Variants in SLC15A4 observed in about 807,000 individuals in gnomAD.
SLC15A4 encodes the protein hPHT1.
In SLC15A4, 26 loss-of-function variants were observed where a neutral mutation model predicts 46.1. That is an observed-to-expected ratio of 0.56 (90% confidence interval 0.41 to 0.78). The LOEUF (loss-of-function observed/expected upper bound fraction) is 0.78, where lower values mean the gene tolerates loss of function less well. Among genes scored for constraint, SLC15A4 ranks in the 30% least tolerant of loss-of-function variants. SLC15A4 has a pLI of 0.00. For synonymous variants in SLC15A4, 370 were observed against 333.4 expected, an observed-to-expected ratio of 1.11 and a Z score of -1.20; for missense variants, 751 against 755.7, an observed-to-expected ratio of 0.99 and a Z score of 0.07.
intron 7 of SLC15A4, among the ~76,000 whole-genome samples, chr12:128,796,652 T>C (rs955981662): frequency 6.6e-6 from 1 of 152,220 alleles, no homozygotes; most frequent in African/African-American, 2.4e-5. Context: ...TACCAGGCTC[T>C]GTCCTGGGCA....
At chr12:128,808,739 C>T (rs1207816671) in intron 5 of SLC15A4, 49 bp downstream of exon 5, 1 of 1,592,154 alleles carries the variant, frequency 6.3e-7, no homozygotes, top group Non-Finnish European at 8.6e-7. Context: ...TCTGAATCCA[C>T]AACTGCTGCA....
intron 7 of SLC15A4, 45 bp downstream of exon 7, chr12:128,799,214 C>T (rs1162231895): frequency 6.2e-7 from 1 of 1,607,558 alleles, no homozygotes; most frequent in Admixed American, 1.7e-5. Context: ...CCTGCGCCTC[C>T]CCCTCACTGG....
Position 128,809,477 on chromosome 12 carries a change from G to A in SLC15A4, c.1012-4C>T. 3 of 1,593,628 alleles carry A rather than the reference G, an allele frequency of 1.9e-6. No individual in the cohort carries two copies. The highest frequency in any genetic ancestry group is 2.6e-6 in the Non-Finnish European group (3 of 1,168,460). ...GTAAAACATATGTTGTCTGCATCTA[G>A]GTATAAAAAACAGTATCATTATATG... On this transcript the variant is annotated splice_region_variant and splice_polypyrimidine_tract_variant and intron_variant, in intron 3 of 7. Coordinates refer to ENST00000266771, the MANE Select transcript of SLC15A4 (RefSeq NM_145648.4).
At chr12:128,801,031 G>C (rs1204688518) in intron 5 of SLC15A4, 22 bp from the exon 6 acceptor site, 2 of 1,571,134 alleles carry the variant, frequency 1.3e-6, no homozygotes, top group Non-Finnish European at 1.7e-6. Flanking sequence ...AAGTAGGTTA[G>C]TGTAATATTC....
intron 5 of SLC15A4, among the ~76,000 whole-genome samples, chr12:128,804,708 T>C (rs563211482): frequency 6.6e-6 from 1 of 152,164 alleles, no homozygotes; most frequent in Admixed American, 6.5e-5. Context: ...CCAGCCTGGG[T>C]GATGGGAGGG....
intron 1 of SLC15A4, 110 bp downstream of exon 1, chr12:128,823,288 G>A (rs1955875998): frequency 1.8e-6 from 2 of 1,092,544 alleles, no homozygotes; most frequent in Admixed American, 4.1e-5. Context: ...AAGCCCCCCG[G>A]GGCAAGGGGC....
At chr12:128,809,066 C>G (rs928145134) in intron 4 of SLC15A4, 110 bp from the exon 5 acceptor site, 1 of 992,790 alleles carries the variant, frequency 1.0e-6, no homozygotes, top group Non-Finnish European at 1.5e-6. Flanking sequence ...AGTTCCTCTC[C>G]ACAAGGTACA....
chr12:128,794,413 A>G (rs1038322162), intron 7 of SLC15A4, 57 bp from the exon 8 acceptor site: 2 of 1,518,876 alleles, frequency 1.3e-6, no homozygotes, highest in Admixed American at 4.2e-5. Flanking sequence ...GTATTTTTTC[A>G]AGACTTTACT....
intron 1 of SLC15A4, among the ~76,000 whole-genome samples, chr12:128,820,263 AG>A (rs1004600791): frequency 6.6e-6 from 1 of 152,228 alleles, no homozygotes; most frequent in African/African-American, 2.4e-5. Flanking sequence ...TAGCTAAAAA[AG>A]AACCAGAGCT....
At chr12:128,817,117 A>G (rs186717489) in intron 1 of SLC15A4, among the ~76,000 whole-genome samples, 34 of 152,352 alleles carry the variant, frequency 2.2e-4, no homozygotes, top group Admixed American at 1.2e-3. Context: ...TTTAAAAGAA[A>G]ATCACTTATT....
chr12:128,811,646 T>C (rs1955657794), intron 2 of SLC15A4, among the ~76,000 whole-genome samples: 1 of 152,254 alleles, frequency 6.6e-6, no homozygotes, highest in East Asian at 1.9e-4. Flanking sequence ...CTTCAAGTAC[T>C]ACTTTTTTTC....
chr12:128,813,158 G>C (rs1329866126), intron 2 of SLC15A4: 1 of 151,722 alleles, frequency 6.6e-6, no homozygotes, highest in African/African-American at 2.4e-5. Context: ...CCTGGCAAAA[G>C]ACTAGTGTCA....
chr12:128,818,163 A>G (rs1325379225), intron 1 of SLC15A4, among the ~76,000 whole-genome samples: 1 of 152,014 alleles, frequency 6.6e-6, no homozygotes, highest in Non-Finnish European at 1.5e-5. Context: ...TAATCCATCC[A>G]CCAAGAACGA....
At position 128,823,388 on chromosome 12, in the gene SLC15A4, C is replaced by T. The variant is rs929533632; in HGVS notation, c.546+10G>A. 5 of 1,405,506 alleles carry T rather than the reference C, an allele frequency of 3.6e-6. No homozygotes were observed. Among genetic ancestry groups the T allele is most frequent in the Admixed American group, 3.1e-5 (1 of 32,540 alleles). The allele number at this position is 1,405,506 out of a possible 1,614,324, so 87.1% of individuals were successfully genotyped here. On this transcript the variant is annotated intron_variant, in intron 1 of 7. Coordinates refer to ENST00000266771, the MANE Select transcript of SLC15A4 (RefSeq NM_145648.4). Reference sequence around the variant, plus strand: ...CAGGGACAGGGACAGCGCGCGGGGGCGCGGCTCACCTGGTCGGCGCCGAAG... The same window carrying T: ...CAGGGACAGGGACAGCGCGCGGGGGTGCGGCTCACCTGGTCGGCGCCGAAG...
chr12:128,823,747 G>C lies in SLC15A4; in HGVS notation c.197C>G (p.Pro66Arg). The change falls in exon 1 of 8, where the codon CCG (proline) becomes CGG (arginine). Residue 66 changes from proline to arginine, a missense_variant. Physicochemically the swap from Pro to Arg is moderately radical, Grantham distance 103 (BLOSUM62 -2). Coordinates refer to ENST00000266771, the MANE Select transcript of SLC15A4 (RefSeq NM_145648.4). ...GGCCTGCGCGCCCTCCCAGCAGAAC[G>C]GCGCCCCGTTCAGGAATAGCACCAG... is the stretch of plus-strand genomic sequence containing the variant. ...SNLVLFLNGA[P>R]FCWEGAQASE... 4 of 1,539,396 alleles carry C rather than the reference G, an allele frequency of 2.6e-6. No individual in the cohort carries two copies. Among genetic ancestry groups the C allele is most frequent in the Non-Finnish European group, 3.5e-6 (4 of 1,151,726 alleles).
chr12:128,807,953 T>C (rs1423224929), intron 5 of SLC15A4, among the ~76,000 whole-genome samples: 3 of 152,236 alleles, frequency 2.0e-5, no homozygotes, highest in Non-Finnish European at 2.9e-5. Context: ...GAAGGCAGCA[T>C]TGTTTGAGAA....
intron 7 of SLC15A4, among the ~76,000 whole-genome samples, chr12:128,797,061 G>C (rs1955454178): frequency 2.0e-5 from 3 of 152,146 alleles, no homozygotes; most frequent in Non-Finnish European, 2.9e-5. Context: ...CAGACAGAAG[G>C]ATAATTACAC....
chr12:128,808,067 T>G (rs1316352401), intron 5 of SLC15A4, among the ~76,000 whole-genome samples: 1 of 152,242 alleles, frequency 6.6e-6, no homozygotes, highest in East Asian at 1.9e-4. Context: ...GTAACTAAGC[T>G]GTTTCATCAG....
At chr12:128,795,537 T>G (rs1955433326) in intron 7 of SLC15A4, among the ~76,000 whole-genome samples, 1 of 152,140 alleles carries the variant, frequency 6.6e-6, no homozygotes, top group African/African-American at 2.4e-5. Flanking sequence ...GAGCAGCATT[T>G]CAGAAAGGCA....
Sources: allele counts gnomAD v4.1 joint callset (sites outside exome capture counted in the v4.1 genomes callset), GRCh38; gene constraint gnomAD v4.1.1; transcripts MANE v1.5; gene names NCBI Gene and HGNC (gene_info 2026-07-23, HGNC 2026-07-21).